The following TIMP3 variants were observed in gnomAD, a reference collection of about 807,000 sequenced individuals.
The protein encoded by TIMP3 is TIMP metallopeptidase inhibitor 3.
TIMP3 carries 11 observed loss-of-function variants against 30.0 expected under a neutral mutation model. The observed-to-expected ratio is 0.37, with a 90% CI of 0.23 to 0.61. The LOEUF is 0.61. TIMP3 is among the 20% of genes least tolerant of loss of function. The pLI, the probability that TIMP3 is intolerant of heterozygous loss-of-function variation, is 0.70. For missense variants in TIMP3, 181 were observed against 276.8 expected (o/e 0.65, Z 2.45); for synonymous variants, 112 against 111.3 (o/e 1.01, Z -0.04).
intron 1 of TIMP3, among the ~76,000 whole-genome samples, chr22:32,810,214 A>G (rs1263246468): frequency 6.6e-6 from 1 of 152,180 alleles, no homozygotes; most frequent in Non-Finnish European, 1.5e-5. Flanking sequence ...TAGTGTTTGT[A>G]GCTTCAGAGG....
chr22:32,839,297 G>A (rs2047827371), intron 1 of TIMP3, among the ~76,000 whole-genome samples: 1 of 152,158 alleles, frequency 6.6e-6, no homozygotes, highest in African/African-American at 2.4e-5. Context: ...GATCCCATTT[G>A]TTCCTGGGAG....
At chr22:32,830,807 T>C (rs1467324999) in intron 1 of TIMP3, among the ~76,000 whole-genome samples, 2 of 152,128 alleles carry the variant, frequency 1.3e-5, no homozygotes, top group African/African-American at 4.8e-5. Flanking sequence ...GCCCCTGGCT[T>C]CTCCCAGTGG....
intron 1 of TIMP3, among the ~76,000 whole-genome samples, chr22:32,807,795 T>C (rs1022054023): frequency 1.3e-4 from 20 of 152,020 alleles, no homozygotes; most frequent in Non-Finnish European, 4.4e-5. Flanking sequence ...TTATATAATA[T>C]GCATTTTCAA....
chr22:32,818,896 T>C (rs1004660102), intron 1 of TIMP3, among the ~76,000 whole-genome samples: 3 of 152,148 alleles, frequency 2.0e-5, no homozygotes, highest in Non-Finnish European at 4.4e-5. Context: ...AGGCAGGTAG[T>C]GGATTTCAAG....
At position 32,841,617 on chromosome 22, in the gene TIMP3, G is replaced by A. The variant is rs561582344; in HGVS notation, c.122-7835G>A. Among the ~76,000 whole-genome samples the A allele has an allele frequency of 2.6e-4, 39 of 151,964 alleles. No individual in the cohort carries two copies. In the South Asian group the frequency reaches 7.5e-3, roughly 29 times the overall value. ...TTGCAGGTATAAATGTAGACTAAATGTAGACTCTGGGATATATAAGTAAAA... is the reference window on the plus strand; with the variant it reads ...TTGCAGGTATAAATGTAGACTAAATATAGACTCTGGGATATATAAGTAAAA... On this transcript the variant is annotated intron_variant, in intron 1 of 4. Transcript: ENST00000266085.
chr22:32,827,071 C>T lies in TIMP3; in HGVS notation c.122-22381C>T, dbSNP rs186168513. 4.1e-3 allele frequency among the ~76,000 whole-genome samples: 621 copies of T among 152,284 alleles called. 2 individuals are homozygous for T. The highest frequency in any genetic ancestry group is 0.014 in the Middle Eastern group (4 of 294). On this transcript the variant is annotated intron_variant, in intron 1 of 4. Coordinates refer to ENST00000266085, the MANE Select transcript of TIMP3 (RefSeq NM_000362.5). ...CTGGAGTTTTGCTGATCATTGACCT[C>T]GCAGGGGCCCACTCTGAAGTTAAAA...
At chr22:32,811,625 TAG>T (rs1012607251) in intron 1 of TIMP3, among the ~76,000 whole-genome samples, 48 of 152,232 alleles carry the variant, frequency 3.2e-4, no homozygotes, top group African/African-American at 9.9e-4. Context: ...CTTCACATTT[TAG>T]AGTCTTAAGT....
intron 1 of TIMP3, among the ~76,000 whole-genome samples, chr22:32,814,594 G>T (rs1056509457): frequency 2.6e-5 from 4 of 152,192 alleles, no homozygotes; most frequent in Non-Finnish European, 4.4e-5. Flanking sequence ...TTTGGCAGCT[G>T]GATAGATTTT....
chr22:32,805,028 T>TGTGC (rs899441113), intron 1 of TIMP3, among the ~76,000 whole-genome samples: 1 of 5,162 alleles, frequency 1.9e-4, no homozygotes, highest in East Asian at 1.5e-3. Context: ...CGTGTGTGCG[T>TGTGC]GTGTGTGTGT....
At chr22:32,848,699 T>C (rs1015026674) in intron 1 of TIMP3, among the ~76,000 whole-genome samples, 2 of 152,218 alleles carry the variant, frequency 1.3e-5, no homozygotes, top group African/African-American at 4.8e-5. Flanking sequence ...GTTCAAGAGA[T>C]TAGTATCATT....
At chr22:32,815,447 T>C (rs1471871000) in intron 1 of TIMP3, among the ~76,000 whole-genome samples, 1 of 152,220 alleles carries the variant, frequency 6.6e-6, no homozygotes. Flanking sequence ...TTAACATTTA[T>C]TGATTTGTTT....
chr22:32,841,931 T>C (rs1000114356), intron 1 of TIMP3, among the ~76,000 whole-genome samples: 1 of 152,108 alleles, frequency 6.6e-6, no homozygotes, highest in African/African-American at 2.4e-5. Context: ...GTGCAGATGG[T>C]GCTGAGACCC....
At position 32,861,391 on chromosome 22, in the gene TIMP3, C is replaced by G. The variant is rs111794229; in HGVS notation, c.*2014C>G. ...GGCCTTCTTTGTGAGGCAGTGTGAG[C>G]AGAAGCTGATGCCAGCATGTCACTG... is the stretch of plus-strand genomic sequence containing the variant. On this transcript the variant is annotated 3_prime_UTR_variant, in exon 5 of 5. Coordinates refer to ENST00000266085, the MANE Select transcript of TIMP3 (RefSeq NM_000362.5). The G allele has an allele frequency of 6.6e-6, 1 of 151,974 alleles. No individual in the cohort carries two copies. Among genetic ancestry groups the G allele is most frequent in the African/African-American group, 2.4e-5 (1 of 41,332 alleles). 9.4% of individuals were successfully genotyped at this position (151,974 alleles called of 1,614,324 possible).
chr22:32,813,121 T>A (rs1229897000), intron 1 of TIMP3, among the ~76,000 whole-genome samples: 1 of 152,238 alleles, frequency 6.6e-6, no homozygotes, highest in Non-Finnish European at 1.5e-5. Context: ...AGAAGCTGGA[T>A]ATTTGAGTAT....
intron 1 of TIMP3, among the ~76,000 whole-genome samples, chr22:32,831,261 C>A (rs1569259379): frequency 6.6e-6 from 1 of 152,190 alleles, no homozygotes; most frequent in Non-Finnish European, 1.5e-5. Flanking sequence ...AATCAGCCAT[C>A]CAAGGTGCTC....
intron 1 of TIMP3, among the ~76,000 whole-genome samples, chr22:32,848,541 T>A (rs2048132549): frequency 6.6e-6 from 1 of 152,186 alleles, no homozygotes; most frequent in African/African-American, 2.4e-5. Flanking sequence ...AAATGGGAGC[T>A]GTTTTCATTG....
chr22:32,826,353 C>T (rs922501061), intron 1 of TIMP3, among the ~76,000 whole-genome samples: 9 of 152,164 alleles, frequency 5.9e-5, no homozygotes, highest in Middle Eastern at 3.4e-3. Flanking sequence ...CGCTTGAACC[C>T]GGGAGGCGGA....
At chr22:32,845,194 T>C (rs1282619949) in intron 1 of TIMP3, among the ~76,000 whole-genome samples, 2 of 152,076 alleles carry the variant, frequency 1.3e-5, no homozygotes, top group African/African-American at 4.8e-5. Context: ...ACTAGTCCTC[T>C]AGCCATAAAC....
Position 32,861,674 on chromosome 22 carries a change from A to G in TIMP3, c.*2297A>G, listed in dbSNP as rs1432621831. The G allele has an allele frequency of 2.0e-5, 3 of 152,622 alleles. No homozygotes were observed. The highest frequency in any genetic ancestry group is 6.5e-5 in the Admixed American group (1 of 15,278). 9.5% of individuals were successfully genotyped at this position (152,622 alleles called of 1,614,324 possible). ...GGAGTCGATAAATTAGCAGAACCAC[A>G]TCCCCATCTGTTAGGCCTTGGTGAG... On this transcript the variant is annotated 3_prime_UTR_variant, in exon 5 of 5. Coordinates refer to ENST00000266085, the MANE Select transcript of TIMP3 (RefSeq NM_000362.5).
Sources: allele counts gnomAD v4.1 joint callset (sites outside exome capture counted in the v4.1 genomes callset), GRCh38; gene constraint gnomAD v4.1.1; transcripts MANE v1.5; gene names NCBI Gene and HGNC (gene_info 2026-07-23, HGNC 2026-07-21).